VPS13B: variants seen among roughly 807,000 people sequenced by gnomAD.
The protein encoded by VPS13B is intermembrane lipid transfer protein VPS13B.
VPS13B carries 285 observed loss-of-function variants against 426.4 expected under a neutral mutation model. The ratio of observed to expected loss-of-function variants is 0.67; its 90% CI spans 0.61 to 0.74. The LOEUF is 0.74. Ranked by LOEUF, VPS13B falls within the 30% of genes least tolerant of loss-of-function variation. VPS13B has a pLI of 0.00. For synonymous variants in VPS13B, 1,676 were observed against 1,676.4 expected (o/e 1.00, Z 0.01); for missense variants, 4,537 against 4,782.6 (o/e 0.95, Z 1.51).
At chr8:99,172,570 C>T (rs931531313) in intron 16 of VPS13B, among the ~76,000 whole-genome samples, 2 of 152,072 alleles carry the variant, frequency 1.3e-5, no homozygotes, top group African/African-American at 2.4e-5. Context: ...TGTTTTATTA[C>T]TTGAAGGAGC....
Position 99,134,621 on chromosome 8 carries a change from A to T in VPS13B, c.1207-11A>T. On this transcript the variant is annotated splice_polypyrimidine_tract_variant and intron_variant, in intron 8 of 61. Coordinates refer to ENST00000357162, the MANE Select transcript of VPS13B (RefSeq NM_152564.5). The stretch of plus-strand genomic sequence containing the variant: ...TAAATTTGATTTACTTAATATTCTT[A>T]TATTTCTTAGCTCACAGAAATGCAA... 1 of 1,577,236 alleles carries T rather than the reference A, an allele frequency of 6.3e-7. No homozygotes were observed. The highest frequency in any genetic ancestry group is 8.7e-7 in the Non-Finnish European group (1 of 1,151,404).
chr8:99,021,392 G>A (rs1841877646), intron 2 of VPS13B, among the ~76,000 whole-genome samples: 2 of 152,164 alleles, frequency 1.3e-5, no homozygotes, highest in African/African-American at 4.8e-5. Flanking sequence ...GGAGGCCGAG[G>A]CGGGTGGATC....
rs112065243 is a variant in VPS13B at position 99,191,040 on chromosome 8, GT to G, written c.2334-1826del. Among the ~76,000 whole-genome samples, 604 of 148,788 alleles carry G rather than the reference GT, an allele frequency of 4.1e-3. 7 individuals carry two copies. Among genetic ancestry groups the G allele is most frequent in the African/African-American group, 0.013 (532 of 40,658 alleles). ...AGCTCTTTTGCTAACATTTTTGAAA[GT>G]TTTTTTTTTCCTGAATTTTGGATTC... On this transcript the variant is annotated intron_variant, in intron 16 of 61. Coordinates refer to ENST00000357162, the MANE Select transcript of VPS13B (RefSeq NM_152564.5).
intron 21 of VPS13B, among the ~76,000 whole-genome samples, chr8:99,419,641 G>C (rs1816265164): frequency 6.6e-6 from 1 of 151,870 alleles, no homozygotes; most frequent in East Asian, 1.9e-4. Context: ...TGAACAGAAA[G>C]GAAAAATAAA....
chr8:99,071,165 T>C (rs1026659550), intron 3 of VPS13B, among the ~76,000 whole-genome samples: 1 of 152,144 alleles, frequency 6.6e-6, no homozygotes, highest in African/African-American at 2.4e-5. Context: ...TTGTTGGTTT[T>C]TGGGCATTGA....
chr8:99,511,963 C>T (rs1250555133), intron 29 of VPS13B, among the ~76,000 whole-genome samples: 1 of 152,188 alleles, frequency 6.6e-6, no homozygotes, highest in African/African-American at 2.4e-5. Context: ...CATAGTGAGA[C>T]CCCATCTGTA....
At chr8:99,055,956 A>T (rs1843827606) in intron 3 of VPS13B, among the ~76,000 whole-genome samples, 1 of 130,544 alleles carries the variant, frequency 7.7e-6, no homozygotes, top group Admixed American at 8.7e-5. Flanking sequence ...GATCAGGCTG[A>T]TCTCGAACTT....
chr8:99,433,297 G>C (rs1817208978), intron 22 of VPS13B, among the ~76,000 whole-genome samples: 1 of 152,170 alleles, frequency 6.6e-6, no homozygotes, highest in African/African-American at 2.4e-5. Flanking sequence ...GTAGAATTAA[G>C]CTCCAGGTGT....
At chr8:99,836,165 A>G (rs1815381040) in intron 54 of VPS13B, among the ~76,000 whole-genome samples, 1 of 152,228 alleles carries the variant, frequency 6.6e-6, no homozygotes, top group Non-Finnish European at 1.5e-5. Context: ...ATATAAGTAC[A>G]GTTTTAAAAA....
intron 33 of VPS13B, among the ~76,000 whole-genome samples, chr8:99,596,338 G>T (rs1827011916): frequency 6.6e-6 from 1 of 151,962 alleles, no homozygotes; most frequent in Admixed American, 6.6e-5. Flanking sequence ...TAGCAGAGAA[G>T]TTTATTGTGA....
intron 54 of VPS13B, among the ~76,000 whole-genome samples, chr8:99,842,466 A>AG (rs59457145): frequency 6.6e-6 from 1 of 151,316 alleles, no homozygotes; most frequent in East Asian, 1.9e-4. Flanking sequence ...AAAAAAAAAA[A>AG]TCACCAAGCG....
At chr8:99,237,792 A>C (rs1376949257) in intron 17 of VPS13B, among the ~76,000 whole-genome samples, 3 of 152,170 alleles carry the variant, frequency 2.0e-5, no homozygotes, top group African/African-American at 4.8e-5. Context: ...TATTGAAATA[A>C]AGTAAAATAA....
At chr8:99,743,410 T>C (rs961258822) in intron 39 of VPS13B, among the ~76,000 whole-genome samples, 4 of 151,816 alleles carry the variant, frequency 2.6e-5, no homozygotes, top group East Asian at 3.9e-4. Flanking sequence ...AGGTAATTTA[T>C]AGATTCAATG....
At chr8:99,142,818 G>T (rs1013437722) in intron 12 of VPS13B, among the ~76,000 whole-genome samples, 156 bp from the exon 13 acceptor site, 8 of 152,174 alleles carry the variant, frequency 5.3e-5, no homozygotes, top group African/African-American at 1.7e-4. Flanking sequence ...TATGCACAGA[G>T]AAATACAAAT....
chr8:99,832,710 C>T, intron 52 of VPS13B, 58 bp downstream of exon 52: 1 of 1,569,816 alleles, frequency 6.4e-7, no homozygotes, highest in Non-Finnish European at 8.7e-7. Flanking sequence ...AGCTGTTCAT[C>T]TAGATGCCAA....
intron 22 of VPS13B, among the ~76,000 whole-genome samples, chr8:99,439,863 C>G (rs1382275365): frequency 6.6e-6 from 1 of 152,048 alleles, no homozygotes; most frequent in Non-Finnish European, 1.5e-5. Flanking sequence ...CTAAGTTTCT[C>G]AAACCTCACA....
intron 44 of VPS13B, 124 bp from the exon 45 acceptor site, chr8:99,817,416 T>G: frequency 7.6e-7 from 1 of 1,317,234 alleles, no homozygotes; most frequent in Non-Finnish European, 1.1e-6. Flanking sequence ...CTTGTACTGT[T>G]TAAGCTAATT....
rs1816400653 is a variant in VPS13B, at chr8:99,853,587, C to T, written c.10198C>T (p.Pro3400Ser). ...GGACAACATTTTTCTCTGTGTGGCCCCGGGAGCTGGTCCCCTCCCTGGGGA... is the reference window on the plus strand; with the variant it reads ...GGACAACATTTTTCTCTGTGTGGCCTCGGGAGCTGGTCCCCTCCCTGGGGA... The part of the protein sequence containing the change: ...TLDNIFLCVA[P>S]GAGPLPGEEP... The change falls in exon 56 of 62, where the codon CCG becomes TCG. Residue 3400 changes from proline (P) to serine (S), a missense_variant. Physicochemically the swap from Pro to Ser is moderately conservative, Grantham distance 74. Transcript: ENST00000357162. 2 of 1,614,190 alleles carry T rather than the reference C, an allele frequency of 1.2e-6. No individual in the cohort carries two copies. The highest frequency in any genetic ancestry group is 1.7e-6 in the Non-Finnish European group (2 of 1,180,030).
intron 39 of VPS13B, among the ~76,000 whole-genome samples, chr8:99,732,929 G>T (rs945660762): frequency 6.6e-6 from 1 of 152,162 alleles, no homozygotes; most frequent in Non-Finnish European, 1.5e-5. Flanking sequence ...TTTTTATCCT[G>T]TCACTTTATT....
Sources: gnomAD v4.1 joint callset for allele counts (sites outside exome capture counted in the v4.1 genomes callset) on GRCh38, gnomAD v4.1.1 for gene constraint, MANE v1.5 for transcripts, NCBI Gene and HGNC (gene_info 2026-07-23, HGNC 2026-07-21) for gene names.